Variants in TMEM135 observed in about 807,000 individuals in gnomAD.
TMEM135 encodes peroxisomal membrane protein 52.
A neutral mutation model predicts 60.3 loss-of-function variants in TMEM135; 30 were observed. The observed-to-expected ratio is 0.50, with a 90% CI of 0.37 to 0.68. The LOEUF is 0.68. Among genes scored for constraint, TMEM135 ranks in the 30% least tolerant of loss-of-function variants. The pLI is 0.00. For missense variants in TMEM135, 468 were observed against 548.8 expected (o/e 0.85, Z 1.47); for synonymous variants, 190 against 186.7 (o/e 1.02, Z -0.14).
rs532393395 is a variant in TMEM135, at chr11:87,315,631, GT to G, written c.1077+1085del. Reference sequence around the variant, plus strand: ...GAAAAATACTATTACTCTTTATTCTGTGTTTATTAGCTGAAATTGTTCTAAA... The same window carrying G: ...GAAAAATACTATTACTCTTTATTCTGGTTTATTAGCTGAAATTGTTCTAAA... On this transcript the variant is annotated intron_variant, in intron 12 of 14. Coordinates refer to ENST00000305494, the MANE Select transcript of TMEM135 (RefSeq NM_022918.4). 3.3e-5 allele frequency among the ~76,000 whole-genome samples: 5 copies of G among 151,952 alleles called. No individual in the cohort carries two copies. The East Asian group carries it at 9.7e-4, about 29-fold the overall frequency.
intron 5 of TMEM135, among the ~76,000 whole-genome samples, chr11:87,222,391 G>C (rs1284603497): frequency 1.2e-4 from 17 of 142,750 alleles, no homozygotes; most frequent in African/African-American, 2.6e-4. Context: ...CCAGCTACTC[G>C]GGAGGCTGAG....
At chr11:87,155,455 A>G (rs1425423229) in intron 4 of TMEM135, among the ~76,000 whole-genome samples, 1 of 152,154 alleles carries the variant, frequency 6.6e-6, no homozygotes, top group East Asian at 1.9e-4. Flanking sequence ...TGATTTTTGT[A>G]TATGGTAGAG....
chr11:87,205,330 A>G (rs1366722045), intron 5 of TMEM135, among the ~76,000 whole-genome samples: 2 of 152,208 alleles, frequency 1.3e-5, no homozygotes, highest in African/African-American at 4.8e-5. Context: ...TTAGTAGGCA[A>G]TAAGGAGCTA....
At chr11:87,054,496 G>C (rs1234735537) in intron 1 of TMEM135, among the ~76,000 whole-genome samples, 1 of 152,192 alleles carries the variant, frequency 6.6e-6, no homozygotes, top group Non-Finnish European at 1.5e-5. Context: ...ATTTATATGT[G>C]AAAGAAAAGT....
chr11:87,045,154 C>T (rs185104945), intron 1 of TMEM135, among the ~76,000 whole-genome samples: 6 of 152,014 alleles, frequency 3.9e-5, no homozygotes, highest in African/African-American at 9.7e-5. Context: ...CTCAGCCTCT[C>T]GAGTAGCTTG....
At chr11:87,268,655 A>G (rs1050864431) in intron 6 of TMEM135, among the ~76,000 whole-genome samples, 2 of 147,594 alleles carry the variant, frequency 1.4e-5, no homozygotes, top group African/African-American at 4.9e-5. Context: ...AAAGAATTCT[A>G]TTTTGTCTCC....
intron 6 of TMEM135, among the ~76,000 whole-genome samples, chr11:87,244,536 T>C (rs1444328027): frequency 1.1e-5 from 1 of 90,732 alleles, no homozygotes; most frequent in Non-Finnish European, 2.6e-5. Context: ...GAGCCTGTTA[T>C]TGGTCTATTC....
chr11:87,067,567 C>G (rs1333037066), intron 1 of TMEM135, 127 bp from the exon 2 acceptor site: 1 of 1,214,636 alleles, frequency 8.2e-7, no homozygotes, highest in Non-Finnish European at 1.2e-6. Flanking sequence ...TATAGAAGAT[C>G]CAGTGAAATG....
intron 5 of TMEM135, among the ~76,000 whole-genome samples, chr11:87,225,778 TGA>T (rs1251795907): frequency 6.6e-6 from 1 of 152,134 alleles, no homozygotes; most frequent in African/African-American, 2.4e-5. Context: ...GTCCTGGCTT[TGA>T]GTCTTGCTTC....
At chr11:87,224,742 T>G (rs1481033701) in intron 5 of TMEM135, among the ~76,000 whole-genome samples, 1 of 147,268 alleles carries the variant, frequency 6.8e-6, no homozygotes, top group Non-Finnish European at 1.5e-5. Flanking sequence ...CTTCTCCGTA[T>G]GCTGAATGAC....
intron 11 of TMEM135, 71 bp downstream of exon 11, chr11:87,313,559 C>A: frequency 4.1e-6 from 5 of 1,214,900 alleles, no homozygotes; most frequent in Non-Finnish European, 6.1e-6. Flanking sequence ...GAAATACCAT[C>A]CAATTCATCC....
intron 5 of TMEM135, among the ~76,000 whole-genome samples, chr11:87,218,855 G>A (rs1265306910): frequency 2.0e-5 from 3 of 152,180 alleles, no homozygotes; most frequent in Non-Finnish European, 4.4e-5. Context: ...CCAGCTATTC[G>A]GGAGGCTAAG....
chr11:87,197,061 G>A (rs2135325092), intron 5 of TMEM135, among the ~76,000 whole-genome samples: 1 of 152,106 alleles, frequency 6.6e-6, no homozygotes, highest in South Asian at 2.1e-4. Context: ...AAATTCAGAT[G>A]TAGGCTATTT....
At chr11:87,077,608 C>T (rs1856901284) in intron 3 of TMEM135, among the ~76,000 whole-genome samples, 1 of 152,180 alleles carries the variant, frequency 6.6e-6, no homozygotes, top group African/African-American at 2.4e-5. Context: ...AGTCATAATT[C>T]ATATTCCATA....
At chr11:87,247,387 G>C (rs1941306747) in intron 6 of TMEM135, among the ~76,000 whole-genome samples, 1 of 152,226 alleles carries the variant, frequency 6.6e-6, no homozygotes, top group Non-Finnish European at 1.5e-5. Context: ...CTTCAAAACT[G>C]TCAGACAGGG....
chr11:87,210,677 CA>C (rs890320858), intron 5 of TMEM135, among the ~76,000 whole-genome samples: 5 of 152,126 alleles, frequency 3.3e-5, no homozygotes, highest in Non-Finnish European at 7.4e-5. Context: ...AAGCCAGCAT[CA>C]TTCTGAGAGA....
intron 4 of TMEM135, among the ~76,000 whole-genome samples, chr11:87,114,515 C>T (rs768050075): frequency 2.6e-5 from 4 of 152,086 alleles, no homozygotes; most frequent in African/African-American, 9.7e-5. Flanking sequence ...TTTGAACAAC[C>T]GATGGAGAAT....
intron 5 of TMEM135, among the ~76,000 whole-genome samples, chr11:87,166,668 C>G (rs1033900465): frequency 6.6e-6 from 1 of 151,610 alleles, no homozygotes; most frequent in Non-Finnish European, 1.5e-5. Context: ...GCCTATATAT[C>G]TGTTTTGGTA....
At chr11:87,236,872 GGGAA>G (rs1297109032) in intron 6 of TMEM135, among the ~76,000 whole-genome samples, 188 bp downstream of exon 6, 1 of 151,526 alleles carries the variant, frequency 6.6e-6, no homozygotes, top group Non-Finnish European at 1.5e-5. Flanking sequence ...GAGAAAGAGA[GGGAA>G]GGAAGACTTA....
Sources: gnomAD v4.1 joint callset for allele counts (sites outside exome capture counted in the v4.1 genomes callset) on GRCh38, gnomAD v4.1.1 for gene constraint, MANE v1.5 for transcripts, NCBI Gene and HGNC (gene_info 2026-07-23, HGNC 2026-07-21) for gene names.